Variants in DCT observed in about 807,000 individuals in gnomAD.
DCT encodes the protein L-dopachrome tautomerase.
A neutral mutation model predicts 53.0 loss-of-function variants in DCT; 47 were observed. That is an observed-to-expected ratio of 0.89 (90% CI 0.70 to 1.13). DCT has a LOEUF of 1.13. DCT is among the 50% of genes most tolerant of loss of function. The pLI is 0.00. For synonymous variants in DCT, 244 were observed against 237.0 expected, an observed-to-expected ratio of 1.03 and a Z score of -0.27; for missense variants, 669 against 637.4, an observed-to-expected ratio of 1.05 and a Z score of -0.53.
rs1340683548 is a variant in DCT at position 94,464,661 on chromosome 13, CA to C, written c.863+971del. Among the ~76,000 whole-genome samples the C allele has an allele frequency of 2.0e-5, 3 of 148,834 alleles. No individual in the cohort carries two copies. The East Asian group carries it at 5.8e-4, about 29-fold the overall frequency. ...CTCAAAAAAACAAAAAAACAAAAAA[CA>C]AAAAACAAAACAAATTTTGGAGGAA... On this transcript the variant is annotated intron_variant, in intron 4 of 7. Coordinates refer to ENST00000377028, the MANE Select transcript of DCT (RefSeq NM_001922.5).
the DCT span, among the ~76,000 whole-genome samples, chr13:94,500,456 C>T: frequency 6.6e-6 from 1 of 152,188 alleles, no homozygotes. Context: ...TGGTCCCTCC[C>T]ACAACATGTG....
chr13:94,448,130 C>T (rs1293698257), intron 6 of DCT, among the ~76,000 whole-genome samples: 3 of 151,948 alleles, frequency 2.0e-5, no homozygotes, highest in Non-Finnish European at 4.4e-5. Context: ...GCCTGTGGTC[C>T]CAGCTACTTG....
In DCT at chr13:94,442,018, T is replaced by C. The variant is rs375265510; in HGVS notation, c.1381+1418A>G. Among the ~76,000 whole-genome samples the C allele has an allele frequency of 9.7e-4, 136 of 140,822 alleles. 1 individual carries two copies. The South Asian group carries it at 0.027, about 28-fold the overall frequency. 92.4% of individuals were successfully genotyped at this position (140,822 alleles called of 152,430 possible). A position where few individuals can be genotyped will look rare whatever the true frequency, so the allele number is the denominator to read the frequency against. On this transcript the variant is annotated intron_variant, in intron 7 of 7. Transcript: ENST00000377028. ...CCTCAGCAACACTTACTATTTTCTA[T>C]TTTTTTTTGATAGCAGTCATCCCAA...
At chr13:94,456,522 T>C (rs552377094) in intron 6 of DCT, among the ~76,000 whole-genome samples, 1 of 152,348 alleles carries the variant, frequency 6.6e-6, no homozygotes, top group East Asian at 1.9e-4. Flanking sequence ...GAAATATTAA[T>C]TAAGGTTTGA....
intron 7 of DCT, 23 bp downstream of exon 7, chr13:94,443,413 C>T (rs1382884357): frequency 1.3e-6 from 2 of 1,558,996 alleles, no homozygotes; most frequent in Non-Finnish European, 1.8e-6. Flanking sequence ...ATGAATCACC[C>T]ATTTGGAAGT....
intron 6 of DCT, chr13:94,444,257 T>G (rs2139279406): frequency 3.4e-6 from 1 of 290,994 alleles, no homozygotes; most frequent in Admixed American, 4.2e-5. Context: ...TTCCGAAATC[T>G]GAAAAAATTC....
chr13:94,490,070 T>A, the DCT span, among the ~76,000 whole-genome samples: 3 of 152,134 alleles, frequency 2.0e-5, no homozygotes, highest in South Asian at 4.1e-4. Flanking sequence ...ATAAACCAGA[T>A]AGGAGCCCTC....
intron 6 of DCT, among the ~76,000 whole-genome samples, chr13:94,458,542 G>A (rs1304716663): frequency 2.0e-5 from 3 of 152,114 alleles, no homozygotes; most frequent in African/African-American, 2.4e-5. Context: ...AGTGGTTCAC[G>A]CCTGTAATCC....
the DCT span, among the ~76,000 whole-genome samples, chr13:94,518,001 G>A: frequency 6.6e-6 from 1 of 151,632 alleles, no homozygotes; most frequent in Admixed American, 6.6e-5. Context: ...CCAGCACTTT[G>A]AGCAGCTGAG....
the DCT span, among the ~76,000 whole-genome samples, chr13:94,517,393 C>T: frequency 1.3e-5 from 2 of 152,172 alleles, no homozygotes; most frequent in Non-Finnish European, 2.9e-5. Context: ...AGATACCACC[C>T]TCATGATCTC....
At chr13:94,466,508 A>T in intron 3 of DCT, 50 bp downstream of exon 3, 1 of 1,226,470 alleles carries the variant, frequency 8.2e-7, no homozygotes, top group Non-Finnish European at 1.1e-6. Flanking sequence ...AAATATATAC[A>T]ATAAATTTTT....
At chr13:94,496,653 A>T in the DCT span, among the ~76,000 whole-genome samples, 1 of 152,170 alleles carries the variant, frequency 6.6e-6, no homozygotes, top group Non-Finnish European at 1.5e-5. Context: ...GAAGATATTT[A>T]TGTGTGGTAC....
the DCT span, among the ~76,000 whole-genome samples, chr13:94,518,016 G>A: frequency 6.6e-6 from 1 of 151,342 alleles, no homozygotes; most frequent in African/African-American, 2.4e-5. Context: ...GCTGAGGTGG[G>A]ACGATCACTT....
chr13:94,476,266 TTTCCTTACCAAAGGGAAATAGC>T (rs1885076499), intron 1 of DCT, among the ~76,000 whole-genome samples: 1 of 147,170 alleles, frequency 6.8e-6, no homozygotes, highest in South Asian at 2.2e-4. Context: ...TTTATAAACA[TTTCCTTACCAAAGGGAAATAGC>T]AATGATCCCT....
At chr13:94,465,901 C>T in intron 3 of DCT, 102 bp from the exon 4 acceptor site, 1 of 737,356 alleles carries the variant, frequency 1.4e-6, no homozygotes, top group Non-Finnish European at 2.0e-6. Flanking sequence ...AAATATCTAC[C>T]AAGACAAAGA....
chr13:94,501,289 T>G, the DCT span, among the ~76,000 whole-genome samples: 1 of 151,946 alleles, frequency 6.6e-6, no homozygotes, highest in Non-Finnish European at 1.5e-5. Context: ...ATAAATTAAT[T>G]AATTAAAAAT....
chr13:94,476,711 C>T (rs547535158), intron 1 of DCT, among the ~76,000 whole-genome samples: 4 of 152,204 alleles, frequency 2.6e-5, no homozygotes, highest in Non-Finnish European at 5.9e-5. Context: ...CCTGACCCGT[C>T]TTGGCCTCCC....
the DCT span, among the ~76,000 whole-genome samples, chr13:94,507,487 A>G: frequency 6.8e-6 from 1 of 146,442 alleles, no homozygotes; most frequent in Non-Finnish European, 1.5e-5. Flanking sequence ...TGGAGTTTGC[A>G]TTTCTGGTAT....
chr13:94,504,818 C>T, the DCT span, among the ~76,000 whole-genome samples: 1 of 152,056 alleles, frequency 6.6e-6, no homozygotes, highest in Admixed American at 6.6e-5. Flanking sequence ...CAAGGTGATG[C>T]CATTTATTAT....
Sources: gnomAD v4.1 joint callset for allele counts (sites outside exome capture counted in the v4.1 genomes callset) on GRCh38, gnomAD v4.1.1 for gene constraint, MANE v1.5 for transcripts, NCBI Gene and HGNC (gene_info 2026-07-23, HGNC 2026-07-21) for gene names.